The following FBXL7 variants were observed in gnomAD, a reference collection of about 807,000 sequenced individuals.
The protein encoded by FBXL7 is F-box and leucine rich repeat protein 7.
A neutral mutation model predicts 38.3 loss-of-function variants in FBXL7; 12 were observed. The observed-to-expected ratio is 0.31, with a 90% CI of 0.20 to 0.51. FBXL7 has a LOEUF of 0.51. Among genes scored for constraint, FBXL7 ranks in the 20% least tolerant of loss-of-function variants. The pLI is 0.98. For synonymous variants in FBXL7, 297 were observed against 300.9 expected, an observed-to-expected ratio of 0.99 and a Z score of 0.13; for missense variants, 567 against 676.4, an observed-to-expected ratio of 0.84 and a Z score of 1.79.
chr5:15,833,791 C>G (rs1339561841), intron 2 of FBXL7, among the ~76,000 whole-genome samples: 3 of 152,186 alleles, frequency 2.0e-5, no homozygotes, highest in Non-Finnish European at 2.9e-5. Flanking sequence ...CATCACTTTC[C>G]CTTTCTTGCA....
chr5:15,768,328 G>A (rs757437454), intron 2 of FBXL7, among the ~76,000 whole-genome samples: 9 of 151,990 alleles, frequency 5.9e-5, no homozygotes, highest in Non-Finnish European at 1.0e-4. Context: ...TCAGGAGATC[G>A]AGACCATCCT....
intron 2 of FBXL7, among the ~76,000 whole-genome samples, chr5:15,846,328 A>G (rs1020118842): frequency 2.6e-5 from 4 of 152,216 alleles, no homozygotes; most frequent in African/African-American, 9.6e-5. Context: ...TTATTTCACT[A>G]TTATATATTT....
chr5:15,550,798 A>T (rs1738044522), intron 1 of FBXL7, among the ~76,000 whole-genome samples: 1 of 152,076 alleles, frequency 6.6e-6, no homozygotes, highest in Non-Finnish European at 1.5e-5. Context: ...AGGTAATGAG[A>T]CCTCTGTCAT....
At chr5:15,874,222 C>G (rs563405695) in intron 2 of FBXL7, among the ~76,000 whole-genome samples, 1 of 152,250 alleles carries the variant, frequency 6.6e-6, no homozygotes, top group African/African-American at 2.4e-5. Context: ...TTCAACAGCC[C>G]TTCATGCTAA....
intron 2 of FBXL7, among the ~76,000 whole-genome samples, chr5:15,895,220 T>C (rs1003051251): frequency 6.6e-6 from 1 of 152,210 alleles, no homozygotes; most frequent in Non-Finnish European, 1.5e-5. Flanking sequence ...AAAGTTAAAA[T>C]GATTACCGAT....
intron 2 of FBXL7, among the ~76,000 whole-genome samples, chr5:15,843,411 T>C (rs1474504584): frequency 1.3e-5 from 2 of 152,206 alleles, no homozygotes; most frequent in Non-Finnish European, 2.9e-5. Flanking sequence ...TGTTTTTCAC[T>C]GCTGTATTCC....
intron 1 of FBXL7, among the ~76,000 whole-genome samples, chr5:15,527,936 C>G (rs1211621030): frequency 6.6e-6 from 1 of 152,180 alleles, no homozygotes; most frequent in Non-Finnish European, 1.5e-5. Context: ...TTTAATTCTT[C>G]AAATATTCTT....
At chr5:15,603,739 T>G (rs1231472372) in intron 1 of FBXL7, among the ~76,000 whole-genome samples, 2 of 152,206 alleles carry the variant, frequency 1.3e-5, no homozygotes, top group Non-Finnish European at 2.9e-5. Flanking sequence ...AAGTACTCGT[T>G]AGAACATTCA....
At chr5:15,687,244 C>T (rs1372850685) in intron 2 of FBXL7, among the ~76,000 whole-genome samples, 2 of 152,226 alleles carry the variant, frequency 1.3e-5, no homozygotes, top group African/African-American at 4.8e-5. Flanking sequence ...ATCCACATGG[C>T]TGATTGTAAT....
chr5:15,916,018 G>A (rs1416718498), intron 2 of FBXL7, among the ~76,000 whole-genome samples: 1 of 152,180 alleles, frequency 6.6e-6, no homozygotes, highest in African/African-American at 2.4e-5. Flanking sequence ...CTGATGAATG[G>A]TGATGCCACT....
chr5:15,716,353 G>A (rs1744044356), intron 2 of FBXL7, among the ~76,000 whole-genome samples: 1 of 152,190 alleles, frequency 6.6e-6, no homozygotes, highest in South Asian at 2.1e-4. Context: ...CGTAACATTT[G>A]TATGAATGTG....
intron 2 of FBXL7, among the ~76,000 whole-genome samples, chr5:15,784,123 CT>C (rs527269029): frequency 1.3e-4 from 20 of 152,056 alleles, no homozygotes; most frequent in Non-Finnish European, 2.2e-4. Flanking sequence ...ATTACCATTG[CT>C]TTGGTCAAGA....
At chr5:15,623,454 T>C (rs995764621) in intron 2 of FBXL7, among the ~76,000 whole-genome samples, 1 of 152,234 alleles carries the variant, frequency 6.6e-6, no homozygotes, top group Non-Finnish European at 1.5e-5. Flanking sequence ...CTAAAGAATT[T>C]ATGGTGATAT....
chr5:15,673,041 T>C (rs1742533249), intron 2 of FBXL7, among the ~76,000 whole-genome samples: 1 of 152,056 alleles, frequency 6.6e-6, no homozygotes, highest in Admixed American at 6.5e-5. Context: ...AAAACCCATA[T>C]AGTGGCCGGG....
chr5:15,774,313 T>G (rs1736804219), intron 2 of FBXL7, among the ~76,000 whole-genome samples: 1 of 151,114 alleles, frequency 6.6e-6, no homozygotes, highest in African/African-American at 2.4e-5. Flanking sequence ...AACTTTCTCC[T>G]CTCAATACTC....
intron 2 of FBXL7, among the ~76,000 whole-genome samples, chr5:15,636,349 A>G (rs947068304): frequency 1.3e-5 from 2 of 152,108 alleles, no homozygotes; most frequent in Non-Finnish European, 2.9e-5. Flanking sequence ...TTATTTGCTC[A>G]TTTAATATAT....
chr5:15,578,600 G>A (rs1739039982), intron 1 of FBXL7, among the ~76,000 whole-genome samples: 1 of 152,086 alleles, frequency 6.6e-6, no homozygotes, highest in African/African-American at 2.4e-5. Flanking sequence ...TTTAGTATTG[G>A]ATCCCTCATG....
Position 15,936,366 on chromosome 5 carries a change from G to T in FBXL7, c.740-84G>T, listed in dbSNP as rs565687593. 11 of 1,511,944 alleles carry T rather than the reference G, an allele frequency of 7.3e-6. No individual in the cohort carries two copies. Among genetic ancestry groups the T allele is most frequent in the East Asian group, 7.0e-5 (3 of 43,020 alleles). The allele number at this position is 1,511,944 out of a possible 1,614,324, so 93.7% of individuals were successfully genotyped here. A position where few individuals can be genotyped will look rare whatever the true frequency, so the allele number is the denominator to read the frequency against. ...AGCCTCGGACCCAGACTTGGGCGAG[G>T]GTCAGGAATGCCCCAGGGCATCCCC... On this transcript the variant is annotated intron_variant, in intron 3 of 3. Transcript: ENST00000504595. This position sits in a 1 kb window ranked among gnomAD's most constrained non-coding sequence, Gnocchi z 6.0.
In FBXL7 at chr5:15,500,780, A is replaced by G. The variant is rs512861; in HGVS notation, c.37+67A>G. 35,110 of 1,566,912 alleles carry G rather than the reference A, an allele frequency of 0.022. 3,168 individuals carry two copies. In the African/African-American group the frequency reaches 0.28, roughly 13 times the overall value. On this transcript the variant is annotated intron_variant, in intron 1 of 3. Coordinates refer to ENST00000504595, the MANE Select transcript of FBXL7 (RefSeq NM_012304.5). The stretch of plus-strand genomic sequence containing the variant: ...TCCTCCCCTTTCCCTCGCCCTCCCG[A>G]CTGGGAAGGGAGGTTCTCGCCCGCG...
Sources: allele counts gnomAD v4.1 joint callset (sites outside exome capture counted in the v4.1 genomes callset), GRCh38; gene constraint gnomAD v4.1.1; non-coding constraint Gnocchi (gnomAD v3.1); transcripts MANE v1.5; gene names NCBI Gene and HGNC (gene_info 2026-07-23, HGNC 2026-07-21).